MTERF3: variants seen among roughly 807,000 people sequenced by gnomAD.
MTERF3 encodes mitochondrial transcription termination factor 3, also known as transcription termination factor 3, mitochondrial.
A neutral mutation model predicts 40.5 loss-of-function variants in MTERF3; 40 were observed. That is an observed-to-expected ratio of 0.99 (90% CI 0.77 to 1.29). MTERF3 has a LOEUF of 1.29. Among genes scored for constraint, MTERF3 ranks in the 50% most tolerant of loss-of-function variants. MTERF3 has a pLI of 0.00. For missense variants in MTERF3, 452 were observed against 478.2 expected (o/e 0.95, Z 0.51); for synonymous variants, 158 against 166.6 (o/e 0.95, Z 0.40).
At chr8:96,240,950 G>A (rs1809916413) in intron 7 of MTERF3, among the ~76,000 whole-genome samples, 1 of 152,102 alleles carries the variant, frequency 6.6e-6, no homozygotes, top group Admixed American at 6.5e-5. Flanking sequence ...ACATGGGTTT[G>A]GCTTGCTTTT....
At chr8:96,250,343 T>A (rs1294812340) in intron 4 of MTERF3, among the ~76,000 whole-genome samples, 4 of 148,200 alleles carry the variant, frequency 2.7e-5, no homozygotes, top group Non-Finnish European at 4.5e-5. Context: ...TTTTTTTTTT[T>A]AAGAAAAAAA....
rs1365603332 is a variant in MTERF3, at chr8:96,257,035, T to C, written c.414A>G (p.Pro138=). ...GAAGTGTGAATGAAGCTGGTGGCAA[T>C]GGAGGGTCTGCAATAATCTGAATAG... is the stretch of plus-strand genomic sequence containing the variant. The part of the protein sequence containing the change: ...EEAIQIIADP[P]LPPASFTLRD... The change falls in exon 3 of 8, where the codon CCA becomes CCG. Residue 138 remains proline, a synonymous_variant. Coordinates refer to ENST00000287025, the MANE Select transcript of MTERF3 (RefSeq NM_015942.5). The C allele has an allele frequency of 6.2e-7, 1 of 1,614,084 alleles. No homozygotes were observed. The highest frequency in any genetic ancestry group is 8.5e-7 in the Non-Finnish European group (1 of 1,179,936).
chr8:96,259,201 T>C (rs1403993669), intron 1 of MTERF3, among the ~76,000 whole-genome samples: 2 of 152,236 alleles, frequency 1.3e-5, no homozygotes, highest in African/African-American at 4.8e-5. Flanking sequence ...AACAGAAATC[T>C]ACTGTGTCCT....
chr8:96,245,803 C>T lies in MTERF3; in HGVS notation c.897+57G>A, dbSNP rs115570862. 1.6e-3 allele frequency: 2,342 copies of T among 1,477,392 alleles called. 29 individuals carry two copies. In the African/African-American group the frequency reaches 0.028, roughly 17 times the overall value. 91.5% of individuals were successfully genotyped at this position (1,477,392 alleles called of 1,614,324 possible). A position where few individuals can be genotyped will look rare whatever the true frequency, so the allele number is the denominator to read the frequency against. ...TGACAATAGCAAAATCTGTTCTCTT[C>T]AGAGGATTTTAACACTTAAAGAAAC... On this transcript the variant is annotated intron_variant, in intron 6 of 7. Transcript: ENST00000287025.
In MTERF3 at chr8:96,239,611, A is replaced by T. The variant is rs1809882864; in HGVS notation, c.1134T>A (p.Asp378Glu). 1 of 1,612,880 alleles carries T rather than the reference A, an allele frequency of 6.2e-7. No individual in the cohort carries two copies. The highest frequency in any genetic ancestry group is 8.5e-7 in the Non-Finnish European group (1 of 1,179,732). Reference sequence around the variant, plus strand: ...AAGAGATGTAGTTAGGTTTTGCTGGATCATACTGTGCTCTTCCTAAATAGG... The same window carrying T: ...AAGAGATGTAGTTAGGTTTTGCTGGTTCATACTGTGCTCTTCCTAAATAGG... ...FLTYLGRAQY[D>E]PAKPNYISLD... The change falls in exon 8 of 8, where the codon GAT (aspartate) becomes GAA (glutamate). Residue 378 changes from aspartate (D) to glutamate (E), a missense_variant. Asp to Glu is a conservative substitution (Grantham distance 45, BLOSUM62 2). Transcript: ENST00000287025.
At chr8:96,258,092 G>A (rs1398656413) in intron 2 of MTERF3, 1 of 334,580 alleles carries the variant, frequency 3.0e-6, no homozygotes, top group Non-Finnish European at 4.2e-6. Flanking sequence ...GAAGAATTTT[G>A]TTTTAAGAAT....
intron 6 of MTERF3, among the ~76,000 whole-genome samples, chr8:96,245,179 C>T (rs73698554): frequency 0.015 from 2,308 of 152,220 alleles, 52 homozygotes; most frequent in African/African-American, 0.052. Flanking sequence ...AAGCTGTCTC[C>T]TCAGCATGGC....
intron 3 of MTERF3, among the ~76,000 whole-genome samples, chr8:96,255,899 T>C (rs565556897): frequency 3.3e-5 from 5 of 150,582 alleles, no homozygotes; most frequent in Admixed American, 6.6e-5. Flanking sequence ...ATCTGGCAAG[T>C]GGTAAGTGAT....
At chr8:96,254,979 G>A (rs1810254206) in intron 3 of MTERF3, among the ~76,000 whole-genome samples, 1 of 152,212 alleles carries the variant, frequency 6.6e-6, no homozygotes, top group African/African-American at 2.4e-5. Context: ...ATGTTCTCCA[G>A]TTGTTGGAGT....
At chr8:96,241,091 C>T (rs1233004710) in intron 7 of MTERF3, among the ~76,000 whole-genome samples, 1 of 151,968 alleles carries the variant, frequency 6.6e-6, no homozygotes, top group African/African-American at 2.4e-5. Flanking sequence ...AGAAGTATGA[C>T]TCCTATGCAG....
intron 2 of MTERF3, chr8:96,258,104 T>G: frequency 2.3e-6 from 1 of 439,978 alleles, no homozygotes; most frequent in Non-Finnish European, 3.0e-6. Context: ...TTTAAGAATC[T>G]AAACAATAAA....
intron 3 of MTERF3, among the ~76,000 whole-genome samples, chr8:96,253,287 C>T (rs1563550688): frequency 1.3e-5 from 2 of 152,194 alleles, no homozygotes; most frequent in East Asian, 1.9e-4. Context: ...GTTACCACGG[C>T]GCAGAGGGAC....
At chr8:96,248,955 A>G (rs1052393581) in intron 4 of MTERF3, among the ~76,000 whole-genome samples, 1 of 152,220 alleles carries the variant, frequency 6.6e-6, no homozygotes, top group Non-Finnish European at 1.5e-5. Context: ...ATGTGGCTGC[A>G]TTACCTATTA....
intron 4 of MTERF3, among the ~76,000 whole-genome samples, chr8:96,247,016 A>T (rs1810034587): frequency 6.6e-6 from 1 of 152,024 alleles, no homozygotes; most frequent in Non-Finnish European, 1.5e-5. Context: ...TCTGTTGCCC[A>T]GGCTGGAGTG....
intron 3 of MTERF3, among the ~76,000 whole-genome samples, chr8:96,251,569 C>T (rs1810186013): frequency 6.6e-6 from 1 of 152,092 alleles, no homozygotes; most frequent in African/African-American, 2.4e-5. Context: ...ATAAAAATGA[C>T]CCTGTGCCTT....
Position 96,243,906 on chromosome 8 carries a change from T to G in MTERF3, c.1059+13A>C, listed in dbSNP as rs1228605355. 2 of 1,612,598 alleles carry G rather than the reference T, an allele frequency of 1.2e-6. No homozygotes were observed. Among genetic ancestry groups the G allele is most frequent in the Non-Finnish European group, 1.7e-6 (2 of 1,179,200 alleles). On this transcript the variant is annotated intron_variant, in intron 7 of 7. Transcript: ENST00000287025. ...ATGGCAGCGCTTACAGAGAGAGCTG[T>G]GAGTGGCATTACCTGTGGGAACTTG...
At position 96,258,630 on chromosome 8, in the gene MTERF3, T is replaced by G. The variant is rs538287402; in HGVS notation, c.61A>C (p.Ile21Leu). 7 of 1,614,136 alleles carry G rather than the reference T, an allele frequency of 4.3e-6. No individual in the cohort carries two copies. Among genetic ancestry groups the G allele is most frequent in the Non-Finnish European group, 5.9e-6 (7 of 1,179,962 alleles). ...CGTTTTGTGAGTTGTGCAGCATTAA[T>G]GAGGCTCCTCAACTTAACTGAGTTA... is the stretch of plus-strand genomic sequence containing the variant. ...WFNSVKLRSLINAAQLTKRFT... is the reference protein window; with the variant it reads ...WFNSVKLRSLLNAAQLTKRFT... The change falls in exon 2 of 8, where the codon ATT becomes CTT. Residue 21 changes from isoleucine to leucine, a missense_variant. Ile to Leu is a conservative substitution (Grantham distance 5). Coordinates refer to ENST00000287025, the MANE Select transcript of MTERF3 (RefSeq NM_015942.5).
intron 7 of MTERF3, among the ~76,000 whole-genome samples, chr8:96,240,261 A>G (rs992696260): frequency 1.3e-5 from 2 of 151,898 alleles, no homozygotes; most frequent in African/African-American, 2.4e-5. Flanking sequence ...AAAAAAAAAA[A>G]AGGCAAATCC....
At position 96,246,426 on chromosome 8, in the gene MTERF3, T is replaced by C. The variant is rs755668545; in HGVS notation, c.706A>G (p.Ser236Gly). Residue 236 changes from serine (S) to glycine (G), a missense_variant, in exon 5 of 8, where the codon AGT becomes GGT. By Grantham distance (56) the Ser-to-Gly change is moderately conservative. Transcript: ENST00000287025. ...RVAYLHSKNF[S>G]KADVAQMVRK... ...ACCATCTGTGCAACATCTGCTTTAC[T>C]GAAATTTTTTGAATGCAGATAAGCC... The C allele has an allele frequency of 4.3e-6, 7 of 1,610,524 alleles. No homozygotes were observed. The highest frequency in any genetic ancestry group is 1.7e-5 in the Admixed American group (1 of 59,254).
Sources: allele counts gnomAD v4.1 joint callset (sites outside exome capture counted in the v4.1 genomes callset), GRCh38; gene constraint gnomAD v4.1.1; transcripts MANE v1.5; gene names NCBI Gene and HGNC (gene_info 2026-07-23, HGNC 2026-07-21).